The following NRXN3 variants were observed in gnomAD, a reference collection of about 807,000 sequenced individuals.
NRXN3 encodes neurexin III.
A neutral mutation model predicts 137.6 loss-of-function variants in NRXN3; 32 were observed. The observed-to-expected ratio is 0.23, with a 90% confidence interval of 0.18 to 0.31. The LOEUF (loss-of-function observed/expected upper bound fraction) is 0.31. NRXN3 is among the 10% of genes least tolerant of loss of function. The pLI, the probability that NRXN3 is intolerant of heterozygous loss-of-function variation, is 1.00. For synonymous variants in NRXN3, 798 were observed against 784.5 expected (o/e 1.02, Z -0.29); for missense variants, 1,574 against 2,062.5 (o/e 0.76, Z 4.59).
At position 78,220,236 on chromosome 14, in the gene NRXN3, A is replaced by T. The variant is rs576588153; in HGVS notation, c.-703-22155A>T. On this transcript the variant is annotated intron_variant, in intron 1 of 20. Coordinates refer to ENST00000335750, the MANE Select transcript of NRXN3 (RefSeq NM_001330195.2). ...GCATCCAGGACTAAGAGGGTCAAGG[A>T]GAGTGGGTAGTTTGTGAAGAGATCT... Among the ~76,000 whole-genome samples, 508 of 152,186 alleles carry T rather than the reference A, an allele frequency of 3.3e-3. 3 individuals carry two copies. Among genetic ancestry groups the T allele is most frequent in the African/African-American group, 0.011 (474 of 41,526 alleles).
chr14:79,626,873 G>T (rs143349859), intron 16 of NRXN3, among the ~76,000 whole-genome samples: 1,596 of 152,166 alleles, frequency 0.01, 9 homozygotes, highest in Non-Finnish European at 0.017. Context: ...AATAAATAAA[G>T]AAAGGGGAAC....
At chr14:78,995,853 T>C (rs544271221) in intron 15 of NRXN3, among the ~76,000 whole-genome samples, 5 of 152,302 alleles carry the variant, frequency 3.3e-5, no homozygotes, top group African/African-American at 1.2e-4. Flanking sequence ...AAAATACAAA[T>C]TTTAGATTTA....
intron 4 of NRXN3, among the ~76,000 whole-genome samples, chr14:78,326,806 C>T (rs546309164): frequency 6.6e-6 from 1 of 152,002 alleles, no homozygotes; most frequent in East Asian, 1.9e-4. Flanking sequence ...GATTACTGCC[C>T]TTTCTTTGTT....
At chr14:78,682,529 C>T (rs2098086450) in intron 6 of NRXN3, among the ~76,000 whole-genome samples, 1 of 152,094 alleles carries the variant, frequency 6.6e-6, no homozygotes, top group Non-Finnish European at 1.5e-5. Context: ...CAGCTACTGT[C>T]TAGTCCTCAG....
chr14:79,579,148 A>C (rs1684225737), intron 16 of NRXN3, among the ~76,000 whole-genome samples: 1 of 151,642 alleles, frequency 6.6e-6, no homozygotes, highest in Non-Finnish European at 1.5e-5. Context: ...TATAACACAG[A>C]CTTCTTTTTT....
At chr14:79,194,942 A>G (rs546417307) in intron 15 of NRXN3, among the ~76,000 whole-genome samples, 9 of 151,974 alleles carry the variant, frequency 5.9e-5, no homozygotes, top group African/African-American at 2.2e-4. Context: ...CTATAAAGTC[A>G]CATTTTTATC....
At chr14:79,579,593 T>C (rs1211706666) in intron 16 of NRXN3, among the ~76,000 whole-genome samples, 1 of 152,028 alleles carries the variant, frequency 6.6e-6, no homozygotes, top group Non-Finnish European at 1.5e-5. Flanking sequence ...CATATGAATC[T>C]GAAATGCAAC....
chr14:78,885,669 CA>C (rs2099141594), intron 10 of NRXN3, among the ~76,000 whole-genome samples: 1 of 151,856 alleles, frequency 6.6e-6, no homozygotes, highest in Non-Finnish European at 1.5e-5. Flanking sequence ...AATTGTAATC[CA>C]AAAGCAAAGA....
In NRXN3 at chr14:78,350,344, C is replaced by G. The variant is rs558394497; in HGVS notation, c.757+52484C>G. Among the ~76,000 whole-genome samples, 19 of 151,914 alleles carry G rather than the reference C, an allele frequency of 1.3e-4. No individual in the cohort carries two copies. The East Asian group carries it at 3.7e-3, about 29-fold the overall frequency. On this transcript the variant is annotated intron_variant, in intron 4 of 20. Transcript: ENST00000335750. ...TTCTCTGGGAGGCTGGAGAAAGAGC[C>G]CTGAATGCAAGCTAGGATGACCAGG...
rs570941346 is a variant in NRXN3, at chr14:78,966,173, G to C, written c.2544G>C (p.Leu848Phe). The C allele has an allele frequency of 1.2e-6, 2 of 1,614,124 alleles. No individual in the cohort carries two copies. The highest frequency in any genetic ancestry group is 1.3e-5 in the African/African-American group (1 of 75,030). The stretch of plus-strand genomic sequence containing the variant: ...TTAATGGCCTTCTCTACATTGACTT[G>C]TGCAAAAATGGTGACATTGATTATT... ...LMFNGLLYID[L>F]CKNGDIDYCE... is the part of the protein sequence containing the mutation. The change falls in exon 12 of 21, where the codon TTG (leucine) becomes TTC (phenylalanine). Residue 848 changes from leucine (L) to phenylalanine (F), a missense_variant. Physicochemically the swap from Leu to Phe is conservative, Grantham distance 22 (BLOSUM62 0). This residue lies in a region of NRXN3 where 718 missense variants were observed against 887.6 expected (regional missense o/e 0.81). Transcript: ENST00000335750.
chr14:79,165,456 T>G (rs1430268179), intron 15 of NRXN3, among the ~76,000 whole-genome samples: 1 of 151,986 alleles, frequency 6.6e-6, no homozygotes, highest in Non-Finnish European at 1.5e-5. Context: ...CATTTTGTCT[T>G]AAAGAAAAGG....
intron 4 of NRXN3, among the ~76,000 whole-genome samples, chr14:78,506,875 A>C (rs1381021324): frequency 2.0e-5 from 3 of 152,008 alleles, no homozygotes; most frequent in Non-Finnish European, 2.9e-5. Flanking sequence ...ATAATTAACA[A>C]TGTTGATCAT....
intron 5 of NRXN3, among the ~76,000 whole-genome samples, chr14:78,645,927 A>C (rs998524255): frequency 6.6e-6 from 1 of 152,066 alleles, no homozygotes; most frequent in African/African-American, 2.4e-5. Flanking sequence ...CCCTTTCCCA[A>C]CTATTTTTTT....
chr14:78,173,909 C>T (rs1018364199), intron 1 of NRXN3, among the ~76,000 whole-genome samples: 1 of 151,828 alleles, frequency 6.6e-6, no homozygotes, highest in African/African-American at 2.4e-5. Flanking sequence ...CCTCTTTCCC[C>T]ACTCTACCTC....
chr14:79,614,117 C>G (rs2543584), intron 16 of NRXN3, among the ~76,000 whole-genome samples: 1 of 151,844 alleles, frequency 6.6e-6, no homozygotes, highest in African/African-American at 2.4e-5. Context: ...AATTGTCACT[C>G]TTAAAATCTG....
intron 4 of NRXN3, among the ~76,000 whole-genome samples, chr14:78,405,623 C>G (rs2092435755): frequency 7.5e-6 from 1 of 133,838 alleles, no homozygotes. Context: ...CGGGGGGGTT[C>G]CGGGTATCTG....
intron 16 of NRXN3, among the ~76,000 whole-genome samples, chr14:79,503,031 A>G (rs1371621685): frequency 1.3e-5 from 2 of 152,022 alleles, no homozygotes; most frequent in Admixed American, 6.6e-5. Context: ...TGGCTTGGCC[A>G]TTTGTTTAAG....
chr14:78,289,725 C>A (rs1410833231), intron 3 of NRXN3, among the ~76,000 whole-genome samples: 3 of 151,926 alleles, frequency 2.0e-5, no homozygotes, highest in Admixed American at 2.0e-4. Context: ...ACCGTCCTGG[C>A]CAACATGGTT....
chr14:79,082,194 T>G (rs2152762054), intron 15 of NRXN3, among the ~76,000 whole-genome samples: 1 of 152,200 alleles, frequency 6.6e-6, no homozygotes, highest in South Asian at 2.1e-4. Context: ...CAAGAAGCTG[T>G]TTTCTACTAA....
Sources: allele counts gnomAD v4.1 joint callset (sites outside exome capture counted in the v4.1 genomes callset), GRCh38; gene constraint gnomAD v4.1.1; regional missense constraint gnomAD v4.1.1; transcripts MANE v1.5; gene names NCBI Gene and HGNC (gene_info 2026-07-23, HGNC 2026-07-21).